PCDH15: variants seen among roughly 807,000 people sequenced by gnomAD.
PCDH15 encodes the protein protocadherin-15.
A neutral mutation model predicts 178.5 loss-of-function variants in PCDH15; 129 were observed. The observed-to-expected ratio is 0.72, with a 90% CI of 0.63 to 0.84. PCDH15 has a LOEUF of 0.84. Ranked by LOEUF, PCDH15 falls within the 40% of genes least tolerant of loss-of-function variation. PCDH15 has a pLI of 0.00. For synonymous variants in PCDH15, 800 were observed against 732.0 expected (o/e 1.09, Z -1.50); for missense variants, 2,230 against 2,099.9 (o/e 1.06, Z -1.21).
upstream of PCDH15, among the ~76,000 whole-genome samples, chr10:55,319,867 A>G (rs1474797184): frequency 6.6e-6 from 1 of 152,040 alleles, no homozygotes; most frequent in South Asian, 2.1e-4. Flanking sequence ...AGCCAGTGAC[A>G]CCCATCTCCC....
chr10:54,008,828 C>G (rs2092471994), intron 20 of PCDH15, among the ~76,000 whole-genome samples: 1 of 151,962 alleles, frequency 6.6e-6, no homozygotes, highest in Non-Finnish European at 1.5e-5. Context: ...AAGAGTAAAC[C>G]AAGGCAAATT....
chr10:55,393,155 T>C lies in PCDH15; in HGVS notation c.-155-226504A>G, dbSNP rs190050783. Among the ~76,000 whole-genome samples, 1,022 of 152,250 alleles carry C rather than the reference T, an allele frequency of 6.7e-3. 4 individuals are homozygous for C. The highest frequency in any genetic ancestry group is 0.011 in the African/African-American group (468 of 41,562). On this transcript the variant is annotated intron_variant, in intron 2 of 5. Transcript: ENST00000613346. ...TGGGGCTTTAAATATAACACCAATATAGAGCCTTAGTCAGACTGATGGTCC... is the reference window on the plus strand; with the variant it reads ...TGGGGCTTTAAATATAACACCAATACAGAGCCTTAGTCAGACTGATGGTCC...
chr10:54,202,845 C>A (rs971205657), intron 10 of PCDH15, among the ~76,000 whole-genome samples: 1 of 150,504 alleles, frequency 6.6e-6, no homozygotes, highest in Non-Finnish European at 1.5e-5. Context: ...GTTTCCCACA[C>A]CCTATCCACA....
intron 2 of PCDH15, among the ~76,000 whole-genome samples, chr10:54,898,988 T>C (rs1477799902): frequency 2.0e-5 from 3 of 152,128 alleles, no homozygotes; most frequent in Non-Finnish European, 4.4e-5. Context: ...CTGAACTCCA[T>C]TTTTCTGCAA....
intron 2 of PCDH15, among the ~76,000 whole-genome samples, chr10:54,531,325 CT>C (rs1489761903): frequency 6.6e-6 from 1 of 152,106 alleles, no homozygotes; most frequent in Non-Finnish European, 1.5e-5. Context: ...TAACTGAATG[CT>C]CAGTGTGGCT....
At chr10:54,148,888 T>A (rs1299489463) in intron 14 of PCDH15, among the ~76,000 whole-genome samples, 2 of 151,980 alleles carry the variant, frequency 1.3e-5, no homozygotes, top group African/African-American at 4.8e-5. Flanking sequence ...AAAACATGTT[T>A]TCTCACTTGA....
intron 7 of PCDH15, among the ~76,000 whole-genome samples, chr10:54,320,539 G>C (rs2061532257): frequency 6.6e-6 from 1 of 151,308 alleles, no homozygotes; most frequent in Non-Finnish European, 1.5e-5. Context: ...TTTTGAACAT[G>C]TAGAAAAATA....
chr10:54,073,785 A>T (rs892670006), intron 17 of PCDH15, among the ~76,000 whole-genome samples: 1 of 152,198 alleles, frequency 6.6e-6, no homozygotes, highest in African/African-American at 2.4e-5. Context: ...CTACAGAATA[A>T]CTTCACATTT....
chr10:54,310,206 G>C (rs1258047081), intron 8 of PCDH15, among the ~76,000 whole-genome samples: 1 of 151,954 alleles, frequency 6.6e-6, no homozygotes, highest in Non-Finnish European at 1.5e-5. Flanking sequence ...AAAAGCCGTG[G>C]AATTCATTTG....
chr10:53,996,135 C>T (rs575897321), intron 20 of PCDH15, among the ~76,000 whole-genome samples: 2 of 151,828 alleles, frequency 1.3e-5, no homozygotes, highest in South Asian at 2.1e-4. Flanking sequence ...GTGAAGCAGG[C>T]GTAAAAGATT....
chr10:53,878,699 T>C (rs1336164127), intron 26 of PCDH15, among the ~76,000 whole-genome samples: 2 of 151,898 alleles, frequency 1.3e-5, no homozygotes, highest in Non-Finnish European at 2.9e-5. Context: ...CACGTTTTAA[T>C]TTTGTGTGTC....
intron 21 of PCDH15, among the ~76,000 whole-genome samples, chr10:53,974,027 A>T (rs1249140998): frequency 1.3e-5 from 2 of 152,002 alleles, no homozygotes; most frequent in East Asian, 3.9e-4. Flanking sequence ...ATTTTACCTT[A>T]TTTTTCTTGA....
intron 13 of PCDH15, among the ~76,000 whole-genome samples, chr10:54,180,591 G>T (rs907308668): frequency 6.6e-6 from 1 of 152,172 alleles, no homozygotes; most frequent in African/African-American, 2.4e-5. Flanking sequence ...AGGCAGGGTT[G>T]TGATGAGGTG....
intron 2 of PCDH15, among the ~76,000 whole-genome samples, chr10:54,964,105 T>G (rs998051815): frequency 4.6e-5 from 7 of 152,194 alleles, no homozygotes; most frequent in Admixed American, 2.0e-4. Flanking sequence ...TCAGATATGG[T>G]GATCTGGTCA....
In PCDH15 at chr10:54,242,171, TATATATATATATATATACAC is replaced by T. The variant is rs1231251470; in HGVS notation, c.877-5260_877-5241del. On this transcript the variant is annotated intron_variant, in intron 8 of 37. Coordinates refer to ENST00000644397, the MANE Select transcript of PCDH15 (RefSeq NM_001384140.1). The stretch of plus-strand genomic sequence containing the variant: ...ATATATATATATATATATATATATA[TATATATATATATATATACAC>T]ACACACACATACATACATACACATA... Among the ~76,000 whole-genome samples the T allele has an allele frequency of 3.6e-4, 35 of 97,804 alleles. 1 individual carries two copies. The highest frequency in any genetic ancestry group is 1.5e-3 in the African/African-American group (32 of 21,464). The allele number at this position is 97,804 out of a possible 152,430, so 64.2% of individuals were successfully genotyped here. A position where few individuals can be genotyped will look rare whatever the true frequency, so the allele number is the denominator to read the frequency against.
chr10:54,947,469 T>C (rs1838223934), intron 2 of PCDH15, among the ~76,000 whole-genome samples: 1 of 151,962 alleles, frequency 6.6e-6, no homozygotes, highest in South Asian at 2.1e-4. Context: ...TTATCCCATT[T>C]AAATAACTTG....
chr10:54,977,741 G>A (rs1433004838), intron 2 of PCDH15, among the ~76,000 whole-genome samples: 1 of 152,014 alleles, frequency 6.6e-6, no homozygotes, highest in Non-Finnish European at 1.5e-5. Context: ...TCTTTCTTGT[G>A]CAAGATCCAA....
At chr10:54,879,610 TA>T (rs1317316370) in intron 3 of PCDH15, among the ~76,000 whole-genome samples, 1 of 151,618 alleles carries the variant, frequency 6.6e-6, no homozygotes, top group Non-Finnish European at 1.5e-5. Flanking sequence ...AAAATGATAA[TA>T]AAAATCTTTC....
chr10:54,172,232 A>T (rs2046985051), intron 13 of PCDH15, among the ~76,000 whole-genome samples: 1 of 152,094 alleles, frequency 6.6e-6, no homozygotes. Context: ...GCCTTAAGTG[A>T]TGACTTTACC....
Sources: gnomAD v4.1 joint callset for allele counts (sites outside exome capture counted in the v4.1 genomes callset) on GRCh38, gnomAD v4.1.1 for gene constraint, MANE v1.5 for transcripts, NCBI Gene and HGNC (gene_info 2026-07-23, HGNC 2026-07-21) for gene names.